Variants in CLUH observed in about 807,000 individuals in gnomAD.
CLUH encodes the protein CLUH binding protein of NUMT mRNA.
A neutral mutation model predicts 139.3 loss-of-function variants in CLUH; 77 were observed. The ratio of observed to expected loss-of-function variants is 0.55; its 90% CI spans 0.46 to 0.67. CLUH has a LOEUF of 0.67. CLUH is among the 30% of genes least tolerant of loss of function. CLUH has a pLI of 0.00. For synonymous variants in CLUH, 999 were observed against 801.6 expected, an observed-to-expected ratio of 1.25 and a Z score of -4.16; for missense variants, 1,876 against 1,875.8, an observed-to-expected ratio of 1.00 and a Z score of 0.00.
intron 19 of CLUH, 126 bp downstream of exon 19, chr17:2,693,774 G>T: frequency 1.6e-6 from 2 of 1,226,490 alleles, no homozygotes; most frequent in Non-Finnish European, 2.2e-6. Flanking sequence ...AGCCAGGGGT[G>T]GCCTGGGCAG....
chr17:2,710,258 A>T (rs1178572693), intron 1 of CLUH, among the ~76,000 whole-genome samples: 1 of 152,238 alleles, frequency 6.6e-6, no homozygotes, highest in Non-Finnish European at 1.5e-5. Flanking sequence ...CCACTGATTC[A>T]GAGCCACATC....
intron 1 of CLUH, among the ~76,000 whole-genome samples, chr17:2,709,420 A>G (rs914883128): frequency 3.9e-5 from 6 of 152,056 alleles, no homozygotes; most frequent in African/African-American, 1.4e-4. Context: ...GCCTGAGGAC[A>G]GTTCAGAGTT....
chr17:2,701,708 T>C lies in CLUH; in HGVS notation c.649A>G (p.Met217Val). 1 of 1,580,018 alleles carries C rather than the reference T, an allele frequency of 6.3e-7. No individual in the cohort carries two copies. The highest frequency in any genetic ancestry group is 1.2e-5 in the South Asian group (1 of 85,774). The part of the protein sequence containing the change: ...DSGKRKKGLE[M>V]DPIDCTPPEY... The stretch of plus-strand genomic sequence containing the variant: ...GGTGGTGTGCAGTCGATGGGGTCCA[T>C]CTCCAAGCCCTTCTTCCGCTTCCCG... Residue 217 changes from methionine (M) to valine (V), a missense_variant, in exon 5 of 26, where the codon ATG (methionine) becomes GTG (valine). Transcript: ENST00000651024.
chr17:2,702,883 G>A (rs1009679817), intron 3 of CLUH, among the ~76,000 whole-genome samples: 1 of 151,588 alleles, frequency 6.6e-6, no homozygotes. Flanking sequence ...GGAGTGCAGT[G>A]GCACGATCCG....
chr17:2,707,056 G>A lies in CLUH; in HGVS notation c.101-2492C>T, dbSNP rs896015895. 2 of 489,810 alleles carry A rather than the reference G, an allele frequency of 4.1e-6. No homozygotes were observed. The highest frequency in any genetic ancestry group is 2.7e-6 in the Non-Finnish European group (1 of 376,766). The allele number at this position is 489,810 out of a possible 1,614,324, so 30.3% of individuals were successfully genotyped here. ...CAAGGGGCCTCCTCTCCCCAGGACA[G>A]CATGTTTTACCCTAATCCTTCCTCC... is the stretch of plus-strand genomic sequence containing the variant. On this transcript the variant is annotated intron_variant, in intron 1 of 25. Coordinates refer to ENST00000651024, the MANE Select transcript of CLUH (RefSeq NM_001366661.1). The surrounding 1 kb of genome is among the most constrained non-coding windows in gnomAD (Gnocchi z 7.4).
chr17:2,692,204 C>A (rs1225527519), intron 22 of CLUH, 107 bp from the exon 23 acceptor site: 11 of 1,441,052 alleles, frequency 7.6e-6, no homozygotes, highest in Non-Finnish European at 1.0e-5. Context: ...TGGAAGCCAC[C>A]GAGGGGAACA....
At position 2,704,266 on chromosome 17, in the gene CLUH, A is replaced by C. The variant is rs12953041; in HGVS notation, c.303+96T>G. 3.0e-6 allele frequency: 4 copies of C among 1,312,288 alleles called. No homozygotes were observed. In the Admixed American group the frequency reaches 9.3e-5, roughly 31 times the overall value. The allele number at this position is 1,312,288 out of a possible 1,614,324, so 81.3% of individuals were successfully genotyped here. ...GGGATCCTCAGTTTCCTGCCACAAA[A>C]TGGGGCCGGTAGGAGCACGAGCAAG... On this transcript the variant is annotated intron_variant, in intron 2 of 25. Transcript: ENST00000651024. This position sits in a 1 kb window ranked among gnomAD's most constrained non-coding sequence, Gnocchi z 5.7.
chr17:2,708,685 T>G (rs553953254), intron 1 of CLUH, among the ~76,000 whole-genome samples: 1 of 150,380 alleles, frequency 6.6e-6, no homozygotes, highest in African/African-American at 2.4e-5. Flanking sequence ...TCACTCCCAC[T>G]GAGCGCGGGC....
chr17:2,694,822 T>TTGG, intron 16 of CLUH, 35 bp downstream of exon 16: 1 of 1,346,338 alleles, frequency 7.4e-7, no homozygotes, highest in Non-Finnish European at 1.0e-6. Flanking sequence ...ATCTGCCCAA[T>TTGG]CCCACCCACC....
At chr17:2,696,571 C>G in intron 11 of CLUH, 33 bp from the exon 12 acceptor site, 1 of 1,540,368 alleles carries the variant, frequency 6.5e-7, no homozygotes, top group Non-Finnish European at 8.7e-7. Flanking sequence ...GACACGGGTC[C>G]CCTCTGCCAC....
In CLUH at chr17:2,704,658, AGG is replaced by A; in HGVS notation, c.101-96_101-95del. 1.6e-6 allele frequency: 2 copies of A among 1,226,802 alleles called. No homozygotes were observed. The highest frequency in any genetic ancestry group is 3.0e-5 in the South Asian group (2 of 67,200). 76.0% of individuals were successfully genotyped at this position (1,226,802 alleles called of 1,614,324 possible). ...ACACGGGGACACGTGCCTTCTGGAA[AGG>A]CATCTGCATGCCCTCGAGAGTCCCA... On this transcript the variant is annotated intron_variant, in intron 1 of 25. Coordinates refer to ENST00000651024, the MANE Select transcript of CLUH (RefSeq NM_001366661.1). The surrounding 1 kb of genome is among the most constrained non-coding windows in gnomAD (Gnocchi z 5.7).
intron 4 of CLUH, 24 bp downstream of exon 4, chr17:2,701,890 C>T (rs778922849): frequency 6.8e-6 from 11 of 1,612,662 alleles, no homozygotes; most frequent in Non-Finnish European, 9.3e-6. Flanking sequence ...TTGGCCCAAT[C>T]CCCGGCCCCA....
At chr17:2,699,519 G>A (rs1166591914) in intron 9 of CLUH, among the ~76,000 whole-genome samples, 2 of 152,126 alleles carry the variant, frequency 1.3e-5, no homozygotes, top group African/African-American at 4.8e-5. Context: ...GCAGAGACGA[G>A]GTTTCACCAT....
Position 2,694,504 on chromosome 17 carries a change from C to G in CLUH, c.2913G>C (p.Glu971Asp), listed in dbSNP as rs1431211551. ...YGLQKITLLR[E>D]ISLKTGIQVL... ...CCTGGATCCCTGTTTTCAGCGAGATCTCCCGCAGGAGCGTTATCTTCTGCA... is the reference window on the plus strand; with the variant it reads ...CCTGGATCCCTGTTTTCAGCGAGATGTCCCGCAGGAGCGTTATCTTCTGCA... The change falls in exon 17 of 26, where the codon GAG becomes GAC. Residue 971 changes from glutamate (E) to aspartate (D), a missense_variant. Glu to Asp is a conservative substitution (Grantham distance 45). Coordinates refer to ENST00000651024, the MANE Select transcript of CLUH (RefSeq NM_001366661.1). The G allele has an allele frequency of 6.3e-7, 1 of 1,583,374 alleles. No individual in the cohort carries two copies. Among genetic ancestry groups the G allele is most frequent in the East Asian group, 2.3e-5 (1 of 43,342 alleles).
In CLUH at chr17:2,703,481, G is replaced by C. The variant is rs2070249856; in HGVS notation, c.312C>G (p.Pro104=). The stretch of plus-strand genomic sequence containing the variant: ...GGTGAATCTCCTGCACCATCTCCTG[G>C]GGGGACACCTGCAGGGAGAAGGCCC... ...GIEPFSLQVS[P]QEMVQEIHQV... The change falls in exon 3 of 26, where the codon CCC becomes CCG. Residue 104 remains proline, a synonymous_variant. Coordinates refer to ENST00000651024, the MANE Select transcript of CLUH (RefSeq NM_001366661.1). This position sits in a 1 kb window ranked among gnomAD's most constrained non-coding sequence, Gnocchi z 4.2. 4 of 1,613,018 alleles carry C rather than the reference G, an allele frequency of 2.5e-6. No homozygotes were observed. Among genetic ancestry groups the C allele is most frequent in the Non-Finnish European group, 3.4e-6 (4 of 1,179,616 alleles).
intron 1 of CLUH, among the ~76,000 whole-genome samples, chr17:2,705,861 G>A (rs2070335341): frequency 6.6e-6 from 1 of 152,208 alleles, no homozygotes; most frequent in Non-Finnish European, 1.5e-5. Flanking sequence ...AGGCACCAGT[G>A]GAACAAAGGA....
chr17:2,692,141 G>T, intron 22 of CLUH, 44 bp from the exon 23 acceptor site: 1 of 1,544,238 alleles, frequency 6.5e-7, no homozygotes, highest in Non-Finnish European at 8.8e-7. Flanking sequence ...GCATAAGTGG[G>T]CTGGGTGTGG....
intron 25 of CLUH, among the ~76,000 whole-genome samples, 191 bp from the exon 26 acceptor site, chr17:2,690,968 C>A (rs1201692361): frequency 6.6e-6 from 1 of 152,140 alleles, no homozygotes; most frequent in African/African-American, 2.4e-5. Context: ...GCACCTGACC[C>A]GGCCTCGGGG....
At chr17:2,695,732 A>C in intron 13 of CLUH, 1 of 672,394 alleles carries the variant, frequency 1.5e-6, no homozygotes, top group Non-Finnish European at 2.5e-6. Flanking sequence ...GGCCCCCTCT[A>C]ACCATGTGGG....
Sources: allele counts gnomAD v4.1 joint callset (sites outside exome capture counted in the v4.1 genomes callset), GRCh38; gene constraint gnomAD v4.1.1; non-coding constraint Gnocchi (gnomAD v3.1); transcripts MANE v1.5; gene names NCBI Gene and HGNC (gene_info 2026-07-23, HGNC 2026-07-21).